The following PTPN12 variants were observed in gnomAD, a reference collection of about 807,000 sequenced individuals.
PTPN12 encodes the protein tyrosine-protein phosphatase non-receptor type 12.
Under a neutral mutation model 97.6 loss-of-function variants are expected in PTPN12, and 29 were observed. The observed-to-expected ratio is 0.30, with a 90% confidence interval of 0.22 to 0.41. PTPN12 has a LOEUF of 0.41. Ranked by LOEUF, PTPN12 falls within the 10% of genes least tolerant of loss-of-function variation. The pLI is 1.00. For missense variants in PTPN12, 819 were observed against 926.0 expected (o/e 0.88, Z 1.50); for synonymous variants, 327 against 300.4 (o/e 1.09, Z -0.91).
Position 77,627,100 on chromosome 7 carries a change from A to C in PTPN12, c.1421A>C (p.Lys474Thr). The change falls in exon 13 of 18, where the codon AAA becomes ACA. Residue 474 changes from lysine (K) to threonine (T), a missense_variant. Physicochemically the swap from Lys to Thr is moderately conservative, Grantham distance 78 (BLOSUM62 -1). This residue lies in a region of PTPN12 where 607 missense variants were observed against 577.3 expected (regional missense o/e 1.05). Coordinates refer to ENST00000248594, the MANE Select transcript of PTPN12 (RefSeq NM_002835.4). ...TCTGCTTCACCTTGTATAGCTGATA[A>C]AATCTCTAAGCCACAGGAATTAAGT... ...IKSASPCIAD[K>T]ISKPQELSSD... 6.2e-7 allele frequency: 1 copy of C among 1,614,172 alleles called. No individual in the cohort carries two copies. Among genetic ancestry groups the C allele is most frequent in the Non-Finnish European group, 8.5e-7 (1 of 1,180,010 alleles).
At chr7:77,621,025 G>C (rs1457374854) in intron 12 of PTPN12, among the ~76,000 whole-genome samples, 2 of 151,942 alleles carry the variant, frequency 1.3e-5, no homozygotes, top group African/African-American at 4.8e-5. Flanking sequence ...ATTTTGGGAG[G>C]CTAAGGTGGG....
intron 13 of PTPN12, 22 bp from the exon 14 acceptor site, chr7:77,632,326 A>G: frequency 6.5e-7 from 1 of 1,531,226 alleles, no homozygotes; most frequent in Non-Finnish European, 9.0e-7. Context: ...AATTTGTCTA[A>G]ATTTTTATGT....
intron 5 of PTPN12, among the ~76,000 whole-genome samples, chr7:77,588,268 A>T (rs1363388487): frequency 6.6e-6 from 1 of 152,082 alleles, no homozygotes; most frequent in East Asian, 1.9e-4. Flanking sequence ...GACCCTTTTC[A>T]CTTGAATACT....
Position 77,565,574 on chromosome 7 carries a change from A to T in PTPN12, c.100-5504A>T, listed in dbSNP as rs188405913. 1.6e-3 allele frequency among the ~76,000 whole-genome samples: 244 copies of T among 152,360 alleles called. 1 individual carries two copies. The highest frequency in any genetic ancestry group is 2.0e-3 in the Admixed American group (31 of 15,308). On this transcript the variant is annotated intron_variant, in intron 1 of 17. Transcript: ENST00000248594. Reference sequence around the variant, plus strand: ...AGCTCTTTGACTCTGGAGAGATTTAACAAACTTTAAACATTCTCAGGAGCT... The same window carrying T: ...AGCTCTTTGACTCTGGAGAGATTTATCAAACTTTAAACATTCTCAGGAGCT...
intron 12 of PTPN12, among the ~76,000 whole-genome samples, chr7:77,623,808 T>G (rs562174099): frequency 6.6e-6 from 1 of 152,340 alleles, no homozygotes; most frequent in Admixed American, 6.5e-5. Flanking sequence ...TATCAAAATT[T>G]TATCTCATCC....
At chr7:77,551,122 A>T (rs755910172) in intron 1 of PTPN12, among the ~76,000 whole-genome samples, 5 of 152,104 alleles carry the variant, frequency 3.3e-5, no homozygotes, top group Non-Finnish European at 5.9e-5. Context: ...GTGCAGGGGC[A>T]TGATCTCTGC....
At chr7:77,577,532 A>C (rs1388342062) in intron 2 of PTPN12, among the ~76,000 whole-genome samples, 1 of 152,076 alleles carries the variant, frequency 6.6e-6, no homozygotes, top group African/African-American at 2.4e-5. Context: ...GATATCCTCA[A>C]GATGTTCCTT....
chr7:77,599,316 A>AATTTT (rs1788119993), intron 7 of PTPN12, among the ~76,000 whole-genome samples: 1 of 87,462 alleles, frequency 1.1e-5, no homozygotes, highest in Admixed American at 1.5e-4. Context: ...CAGCGCCCCG[A>AATTTT]CTTTTTTTTT....
At chr7:77,572,289 A>T (rs987762690) in intron 2 of PTPN12, among the ~76,000 whole-genome samples, 1 of 152,140 alleles carries the variant, frequency 6.6e-6, no homozygotes, top group Admixed American at 6.5e-5. Context: ...TTTAGTAGAG[A>T]CAGGGTTTCA....
intron 7 of PTPN12, 135 bp downstream of exon 7, chr7:77,598,036 T>G: frequency 8.5e-7 from 1 of 1,181,202 alleles, no homozygotes; most frequent in Non-Finnish European, 1.1e-6. Context: ...AAGACTAGCC[T>G]GGGCAACATA....
intron 1 of PTPN12, among the ~76,000 whole-genome samples, chr7:77,549,263 T>A (rs1807363443): frequency 6.6e-6 from 1 of 151,954 alleles, no homozygotes. Context: ...TGAAGCAAAA[T>A]TGAAAAAAAA....
chr7:77,613,167 G>GTTTTTT (rs576216122), intron 11 of PTPN12, among the ~76,000 whole-genome samples: 86 of 88,550 alleles, frequency 9.7e-4, no homozygotes, highest in Non-Finnish European at 1.1e-3. Flanking sequence ...TAATTTTTGG[G>GTTTTTT]TTTTTTTTTT....
chr7:77,620,417 A>G (rs962822036), intron 12 of PTPN12, among the ~76,000 whole-genome samples: 1 of 152,226 alleles, frequency 6.6e-6, no homozygotes, highest in Non-Finnish European at 1.5e-5. Flanking sequence ...GTGTGATTTT[A>G]TAATACATGC....
intron 12 of PTPN12, among the ~76,000 whole-genome samples, chr7:77,624,230 G>A (rs184056963): frequency 2.7e-5 from 4 of 150,922 alleles, no homozygotes; most frequent in African/African-American, 9.8e-5. Context: ...TAGTGCAACT[G>A]TACTCCAGCC....
At chr7:77,576,993 G>A (rs1362187015) in intron 2 of PTPN12, among the ~76,000 whole-genome samples, 2 of 152,190 alleles carry the variant, frequency 1.3e-5, no homozygotes, top group African/African-American at 4.8e-5. Flanking sequence ...AGGGTTTGGT[G>A]TGTCATTGCT....
intron 1 of PTPN12, among the ~76,000 whole-genome samples, chr7:77,555,181 A>AT (rs969452341): frequency 5.6e-5 from 8 of 142,882 alleles, no homozygotes; most frequent in African/African-American, 1.5e-4. Context: ...AGGTAAGATG[A>AT]TTTTTTTTCC....
intron 1 of PTPN12, among the ~76,000 whole-genome samples, chr7:77,544,130 G>A (rs578148692): frequency 9.9e-5 from 15 of 152,260 alleles, no homozygotes; most frequent in Middle Eastern, 3.4e-3. Flanking sequence ...ATTCCAATCA[G>A]GAATATATGA....
At chr7:77,636,012 T>C (rs1451242991) in intron 15 of PTPN12, among the ~76,000 whole-genome samples, 163 bp downstream of exon 15, 1 of 152,162 alleles carries the variant, frequency 6.6e-6, no homozygotes, top group Admixed American at 6.5e-5. Context: ...AAAGCCCATA[T>C]AAAAGGTAGG....
chr7:77,581,192 A>G (rs1787506513), intron 2 of PTPN12, among the ~76,000 whole-genome samples: 1 of 151,966 alleles, frequency 6.6e-6, no homozygotes, highest in South Asian at 2.1e-4. Context: ...TTCTCCTGCC[A>G]CAGCCTCCCG....
Sources: gnomAD v4.1 joint callset for allele counts (sites outside exome capture counted in the v4.1 genomes callset) on GRCh38, gnomAD v4.1.1 for gene constraint, gnomAD v4.1.1 regional missense constraint, MANE v1.5 for transcripts, NCBI Gene and HGNC (gene_info 2026-07-23, HGNC 2026-07-21) for gene names.